Variants in ANXA3 observed in about 807,000 individuals in gnomAD.
ANXA3 encodes the protein annexin A3.
In ANXA3, 46 loss-of-function variants were observed where a neutral mutation model predicts 48.8. That is an observed-to-expected ratio of 0.94 (90% CI 0.74 to 1.21). The LOEUF is 1.21. Among genes scored for constraint, ANXA3 ranks in the 50% most tolerant of loss-of-function variants. ANXA3 has a pLI of 0.00. For missense variants in ANXA3, 383 were observed against 378.6 expected (o/e 1.01, Z -0.10); for synonymous variants, 128 against 134.7 (o/e 0.95, Z 0.35).
intron 2 of ANXA3, among the ~76,000 whole-genome samples, chr4:78,569,895 T>C (rs1722809172): frequency 6.6e-6 from 1 of 152,246 alleles, no homozygotes; most frequent in South Asian, 2.1e-4. Context: ...GAGACTGGGT[T>C]TCTTCCATTT....
In ANXA3 at chr4:78,604,366, G is replaced by A; in HGVS notation, c.879G>A (p.Lys293=). 2 of 1,613,076 alleles carry A rather than the reference G, an allele frequency of 1.2e-6. No individual in the cohort carries two copies. Among genetic ancestry groups the A allele is most frequent in the Non-Finnish European group, 1.7e-6 (2 of 1,179,408 alleles). Residue 293 remains lysine, a synonymous_variant, in exon 12 of 13, where the codon AAG becomes AAA. Transcript: ENST00000264908. ...DLLDIRTEFK[K]HYGYSLYSAI... is the part of the protein sequence containing the mutation. ...TGGACATTCGAACAGAGTTCAAGAAGCATTATGGCTATTCCCTATATTCAG... is the reference window on the plus strand; with the variant it reads ...TGGACATTCGAACAGAGTTCAAGAAACATTATGGCTATTCCCTATATTCAG...
At chr4:78,586,469 C>A in intron 6 of ANXA3, 119 bp downstream of exon 6, 1 of 658,596 alleles carries the variant, frequency 1.5e-6, no homozygotes, top group Non-Finnish European at 2.5e-6. Context: ...CTTACAGAAA[C>A]GAGAATACAT....
At chr4:78,598,360 C>G (rs1201694350) in intron 10 of ANXA3, among the ~76,000 whole-genome samples, 1 of 151,176 alleles carries the variant, frequency 6.6e-6, no homozygotes, top group Non-Finnish European at 1.5e-5. Context: ...GGCACAATCT[C>G]AGCTCATTGT....
intron 6 of ANXA3, among the ~76,000 whole-genome samples, chr4:78,587,964 C>T (rs543672836): frequency 2.6e-5 from 4 of 152,232 alleles, no homozygotes; most frequent in Admixed American, 6.5e-5. Context: ...GTCATGGTGG[C>T]GTGCACCTGT....
chr4:78,581,959 G>A (rs150621048), intron 4 of ANXA3, among the ~76,000 whole-genome samples: 128 of 152,200 alleles, frequency 8.4e-4, no homozygotes, highest in African/African-American at 2.9e-3. Context: ...CCTCCCATTT[G>A]GCTCTCCTTC....
At chr4:78,585,353 T>A (rs1723150532) in intron 5 of ANXA3, among the ~76,000 whole-genome samples, 1 of 152,204 alleles carries the variant, frequency 6.6e-6, no homozygotes, top group South Asian at 2.1e-4. Context: ...TGGTTTTCAC[T>A]TCCTGGCTAA....
chr4:78,572,296 T>C (rs1189791522), intron 2 of ANXA3, among the ~76,000 whole-genome samples: 1 of 152,200 alleles, frequency 6.6e-6, no homozygotes, highest in Non-Finnish European at 1.5e-5. Flanking sequence ...TCATATTCCC[T>C]GTGTCTGGGG....
At chr4:78,575,735 G>A (rs1158994245) in intron 3 of ANXA3, among the ~76,000 whole-genome samples, 1 of 152,078 alleles carries the variant, frequency 6.6e-6, no homozygotes, top group African/African-American at 2.4e-5. Flanking sequence ...TTAAATTTTA[G>A]TGAAATCAAG....
At position 78,590,322 on chromosome 4, in the gene ANXA3, A is replaced by T. The variant is rs140985511; in HGVS notation, c.404-1222A>T. Among the ~76,000 whole-genome samples the T allele has an allele frequency of 3.5e-3, 533 of 152,330 alleles. 2 individuals are homozygous for T. Among genetic ancestry groups the T allele is most frequent in the African/African-American group, 0.013 (523 of 41,574 alleles). On this transcript the variant is annotated intron_variant, in intron 6 of 12. Transcript: ENST00000264908. ...CACTTTTTTGGTGGATTTTGCTTAT[A>T]TGAATTGCTTTGAAAAGTTACAGAT... is the stretch of plus-strand genomic sequence containing the variant.
intron 2 of ANXA3, among the ~76,000 whole-genome samples, chr4:78,571,901 G>A (rs948469078): frequency 2.0e-5 from 3 of 152,180 alleles, no homozygotes; most frequent in African/African-American, 7.2e-5. Flanking sequence ...TATGATGTCA[G>A]TAGAGCTTTT....
At chr4:78,608,261 T>C (rs1228968356) in intron 12 of ANXA3, among the ~76,000 whole-genome samples, 1 of 152,046 alleles carries the variant, frequency 6.6e-6, no homozygotes, top group African/African-American at 2.4e-5. Flanking sequence ...TATGAGAAAG[T>C]CATGATTCAG....
At chr4:78,573,306 C>G (rs751792818) in intron 3 of ANXA3, 39 bp downstream of exon 3, 1 of 1,441,602 alleles carries the variant, frequency 6.9e-7, no homozygotes, top group African/African-American at 1.4e-5. Flanking sequence ...AATGTTGAAG[C>G]AAATCAGGCA....
rs1578402444 is a variant in ANXA3, at chr4:78,595,396, A to G, written c.499A>G (p.Ser167Gly). ...TCCTGTTTAGGGCAGAAGAGATGAA[A>G]GTCTGAAAGTGGATGAGCATCTGGC... Reference protein sequence around the residue: ...LTLADGRRDESLKVDEHLAKQ... With the variant: ...LTLADGRRDEGLKVDEHLAKQ... Residue 167 changes from serine to glycine, a missense_variant, in exon 8 of 13, where the codon AGT becomes GGT. Physicochemically the swap from Ser to Gly is moderately conservative, Grantham distance 56. Coordinates refer to ENST00000264908, the MANE Select transcript of ANXA3 (RefSeq NM_005139.3). 13 of 1,613,420 alleles carry G rather than the reference A, an allele frequency of 8.1e-6. No individual in the cohort carries two copies. The East Asian group carries it at 2.9e-4, about 36-fold the overall frequency.
At chr4:78,553,626 T>C (rs746241985) in intron 1 of ANXA3, among the ~76,000 whole-genome samples, 23 of 152,212 alleles carry the variant, frequency 1.5e-4, no homozygotes, top group Non-Finnish European at 2.9e-4. Context: ...AGAGATGCAG[T>C]ATTAGACTCT....
chr4:78,589,949 C>T (rs1483395267), intron 6 of ANXA3, among the ~76,000 whole-genome samples: 1 of 152,170 alleles, frequency 6.6e-6, no homozygotes, highest in Non-Finnish European at 1.5e-5. Flanking sequence ...AGTTCTAGTC[C>T]AGGCACCTGT....
Position 78,578,298 on chromosome 4 carries a change from C to CGAGAGCGAGA in ANXA3, c.104-724_104-723insCGAGAGAGAG, listed in dbSNP as rs1451574068. Among the ~76,000 whole-genome samples the CGAGAGCGAGA allele has an allele frequency of 3.2e-3, 147 of 46,518 alleles. 2 individuals are homozygous for CGAGAGCGAGA. The highest frequency in any genetic ancestry group is 0.011 in the African/African-American group (136 of 12,626). The allele number at this position is 46,518 out of a possible 152,430, so 30.5% of individuals were successfully genotyped here. A position where few individuals can be genotyped will look rare whatever the true frequency, so the allele number is the denominator to read the frequency against. On this transcript the variant is annotated intron_variant, in intron 3 of 12. Transcript: ENST00000264908. The stretch of plus-strand genomic sequence containing the variant: ...GAAAGGGCGAAGGGGAGAGAGAGAG[C>CGAGAGCGAGA]GAGAGAGAGAGAGAGAGAGAGAGAG...
chr4:78,564,608 C>T (rs902993185), intron 2 of ANXA3, among the ~76,000 whole-genome samples: 7 of 152,098 alleles, frequency 4.6e-5, no homozygotes, highest in East Asian at 1.9e-4. Flanking sequence ...ATATAAACAG[C>T]GAGAGGTATT....
intron 2 of ANXA3, among the ~76,000 whole-genome samples, chr4:78,561,142 G>A (rs956673038): frequency 7.2e-5 from 11 of 152,190 alleles, no homozygotes; most frequent in Non-Finnish European, 1.2e-4. Context: ...GGGATCCGCG[G>A]TGGTAGAAAT....
chr4:78,586,063 T>C (rs1198378466), intron 5 of ANXA3, among the ~76,000 whole-genome samples, 197 bp from the exon 6 acceptor site: 2 of 152,296 alleles, frequency 1.3e-5, no homozygotes, highest in East Asian at 3.9e-4. Flanking sequence ...GAGTGAAAAA[T>C]TTGCTGTCAC....
Sources: allele counts gnomAD v4.1 joint callset (sites outside exome capture counted in the v4.1 genomes callset), GRCh38; gene constraint gnomAD v4.1.1; transcripts MANE v1.5; gene names NCBI Gene and HGNC (gene_info 2026-07-23, HGNC 2026-07-21).